The following IL1RAPL1 variants were observed in gnomAD, a reference collection of about 807,000 sequenced individuals.
IL1RAPL1 encodes the protein interleukin-1 receptor accessory protein-like 1.
Under a neutral mutation model 48.4 loss-of-function variants are expected in IL1RAPL1, and 3 were observed. The ratio of observed to expected loss-of-function variants is 0.06; its 90% confidence interval spans 0.03 to 0.16. IL1RAPL1 has a LOEUF of 0.16. Ranked by LOEUF, IL1RAPL1 falls within the 10% of genes least tolerant of loss-of-function variation. IL1RAPL1 has a pLI of 1.00. For missense variants in IL1RAPL1, 349 were observed against 530.6 expected, an observed-to-expected ratio of 0.66 and a Z score of 3.36; for synonymous variants, 185 against 187.7, an observed-to-expected ratio of 0.99 and a Z score of 0.12.
At chrX:29,240,888 C>T (rs908544645) in intron 2 of IL1RAPL1, among the ~76,000 whole-genome samples, 11 of 112,195 alleles carry the variant, frequency 9.8e-5, no homozygotes, top group East Asian at 2.8e-4. Flanking sequence ...AAATTGCTAA[C>T]GTCTCCAAAC....
At chrX:29,065,290 A>G (rs1927430799) in intron 2 of IL1RAPL1, among the ~76,000 whole-genome samples, 1 of 111,167 alleles carries the variant, frequency 9.0e-6, no homozygotes, top group South Asian at 3.8e-4. Flanking sequence ...ACTTTACTAC[A>G]TATAAGATTC....
intron 6 of IL1RAPL1, among the ~76,000 whole-genome samples, chrX:29,911,964 C>T (rs780702346): frequency 4.6e-4 from 52 of 112,075 alleles, no homozygotes; most frequent in African/African-American, 1.7e-3. Flanking sequence ...ATAGTATTTC[C>T]ACCATACGGA....
intron 2 of IL1RAPL1, among the ~76,000 whole-genome samples, chrX:28,822,741 G>C (rs747298833): frequency 9.0e-6 from 1 of 111,692 alleles, no homozygotes; most frequent in Non-Finnish European, 1.9e-5. Context: ...ACAATGCCCT[G>C]TCCAACTGCA....
chrX:28,744,168 T>C (rs767925452), intron 1 of IL1RAPL1, among the ~76,000 whole-genome samples: 2 of 111,456 alleles, frequency 1.8e-5, no homozygotes, highest in South Asian at 7.6e-4. Flanking sequence ...CGCATATCTA[T>C]GCTATACGTT....
chrX:29,702,446 GTTCACCA>G (rs1927079389), intron 6 of IL1RAPL1, among the ~76,000 whole-genome samples: 1 of 110,819 alleles, frequency 9.0e-6, no homozygotes, highest in African/African-American at 3.3e-5. Context: ...GACATTTGCC[GTTCACCA>G]ACCAAATAAG....
At chrX:29,366,703 G>A (rs930306501) in intron 3 of IL1RAPL1, among the ~76,000 whole-genome samples, 2 of 106,309 alleles carry the variant, frequency 1.9e-5, no homozygotes, top group African/African-American at 6.9e-5. Flanking sequence ...TGAGTAGCTG[G>A]GACTACAGGT....
chrX:29,917,691 T>A, intron 7 of IL1RAPL1, 95 bp downstream of exon 7: 1 of 699,737 alleles, frequency 1.4e-6, no homozygotes, highest in Non-Finnish European at 2.2e-6. Flanking sequence ...TTTGTTTTAC[T>A]AGTATCATAA....
intron 2 of IL1RAPL1, among the ~76,000 whole-genome samples, chrX:28,831,014 CTCTCTCTCTCTCTG>C (rs1921031033): frequency 1.6e-5 from 1 of 63,381 alleles, no homozygotes; most frequent in Admixed American, 2.0e-4. Flanking sequence ...CTCTCTCTCT[CTCTCTCTCTCTCTG>C]TGTGTGTGTG....
intron 1 of IL1RAPL1, among the ~76,000 whole-genome samples, chrX:28,671,832 TGC>T (rs1934949195): frequency 8.9e-6 from 1 of 112,286 alleles, no homozygotes; most frequent in Admixed American, 9.5e-5. Context: ...TATTTCCCAG[TGC>T]TTTCCTAAAC....
intron 2 of IL1RAPL1, among the ~76,000 whole-genome samples, chrX:28,829,825 T>G (rs1366421479): frequency 9.0e-6 from 1 of 110,985 alleles, no homozygotes; most frequent in Non-Finnish European, 1.9e-5. Context: ...CCCAAAGTGT[T>G]GGGATTACAG....
At chrX:29,138,304 C>CA (rs964804111) in intron 2 of IL1RAPL1, among the ~76,000 whole-genome samples, 21 of 112,036 alleles carry the variant, frequency 1.9e-4, no homozygotes, top group Admixed American at 5.7e-4. Context: ...TATTTCACTA[C>CA]AAAAAAATGT....
chrX:29,524,803 CG>C (rs943768957), intron 5 of IL1RAPL1, among the ~76,000 whole-genome samples: 1 of 112,126 alleles, frequency 8.9e-6, no homozygotes, highest in Admixed American at 9.5e-5. Context: ...ACGAAAGTGT[CG>C]TAATGCAGCT....
At chrX:29,206,703 C>T (rs1158784001) in intron 2 of IL1RAPL1, among the ~76,000 whole-genome samples, 1 of 111,536 alleles carries the variant, frequency 9.0e-6, no homozygotes, top group East Asian at 2.8e-4. Context: ...CTGAAGGAAA[C>T]AGTAATATAT....
intron 2 of IL1RAPL1, among the ~76,000 whole-genome samples, chrX:29,241,167 G>C (rs142375478): frequency 2.4e-3 from 265 of 111,701 alleles, no homozygotes; most frequent in African/African-American, 8.4e-3. Context: ...AACTAATAGA[G>C]TCATACAATA....
At chrX:29,696,001 T>C (rs949536539) in intron 6 of IL1RAPL1, among the ~76,000 whole-genome samples, 1 of 111,895 alleles carries the variant, frequency 8.9e-6, no homozygotes, top group East Asian at 2.8e-4. Context: ...TATTGGTCAG[T>C]TGAGTAGTTT....
At chrX:28,951,684 G>A (rs1267146064) in intron 2 of IL1RAPL1, among the ~76,000 whole-genome samples, 3 of 110,996 alleles carry the variant, frequency 2.7e-5, no homozygotes, top group African/African-American at 6.5e-5. Flanking sequence ...ATCATTTACA[G>A]CCCCAATTAA....
At position 29,627,576 on chromosome X, in the gene IL1RAPL1, C is replaced by G. The variant is rs532828958; in HGVS notation, c.704-40854C>G. On this transcript the variant is annotated intron_variant, in intron 5 of 10. Transcript: ENST00000378993. ...GTCAATGCCAAAGAAAATTTCGTCT[C>G]ACGTATATTCATGGTTTCCTGATGG... is the stretch of plus-strand genomic sequence containing the variant. Among the ~76,000 whole-genome samples, 33 of 111,815 alleles carry G rather than the reference C, an allele frequency of 3.0e-4. No homozygotes were observed. In the South Asian group the frequency reaches 0.012, roughly 41 times the overall value.
At chrX:28,645,803 G>A (rs1934602377) in intron 1 of IL1RAPL1, among the ~76,000 whole-genome samples, 1 of 111,519 alleles carries the variant, frequency 9.0e-6, no homozygotes, top group Non-Finnish European at 1.9e-5. Context: ...AATATGCTTT[G>A]AAAATATGAT....
chrX:28,598,381 GT>G (rs1417644440), intron 1 of IL1RAPL1, among the ~76,000 whole-genome samples: 4 of 111,446 alleles, frequency 3.6e-5, no homozygotes, highest in Non-Finnish European at 7.5e-5. Context: ...AGTAGGTATA[GT>G]TTTTTTTCCC....
Sources: gnomAD v4.1 joint callset for allele counts (sites outside exome capture counted in the v4.1 genomes callset) on GRCh38, gnomAD v4.1.1 for gene constraint, MANE v1.5 for transcripts, NCBI Gene and HGNC (gene_info 2026-07-23, HGNC 2026-07-21) for gene names.